Variants in PRRT4 observed in about 807,000 individuals in gnomAD.
The protein encoded by PRRT4 is proline-rich transmembrane protein 4.
In PRRT4, 59 loss-of-function variants were observed where a neutral mutation model predicts 55.6. That is an observed-to-expected ratio of 1.06 (90% CI 0.86 to 1.32). PRRT4 has a LOEUF of 1.32. PRRT4 is among the 40% of genes most tolerant of loss of function. PRRT4 has a pLI of 0.00. For synonymous variants in PRRT4, 606 were observed against 601.8 expected, an observed-to-expected ratio of 1.01 and a Z score of -0.10; for missense variants, 1,217 against 1,222.0, an observed-to-expected ratio of 1.00 and a Z score of 0.06.
chr7:128,350,689 G>C, downstream of PRRT4: 1 of 1,086,062 alleles, frequency 9.2e-7, no homozygotes, highest in South Asian at 1.7e-5. Context: ...ATTCCCAATC[G>C]ATAGAGCCTG....
At position 128,351,753 on chromosome 7, in the gene PRRT4, CT is replaced by C. The variant is rs1055791942; in HGVS notation, c.1802del (p.Gln601ArgfsTer2). On this transcript the variant is annotated frameshift_variant, in exon 5 of 5. Transcript: ENST00000535159. LOFTEE classifies it high-confidence loss of function. ...CCACCTCGCCCAGGCGCAGGCCTAG[CT>C]GGAAGGCCCACCAGGGCCAGGGCCC... 1 of 1,450,792 alleles carries C rather than the reference CT, an allele frequency of 6.9e-7. No individual in the cohort carries two copies. Among genetic ancestry groups the C allele is most frequent in the African/African-American group, 1.5e-5 (1 of 66,990 alleles). 89.9% of individuals were successfully genotyped at this position (1,450,792 alleles called of 1,614,324 possible). A position where few individuals can be genotyped will look rare whatever the true frequency, so the allele number is the denominator to read the frequency against.
Position 128,358,072 on chromosome 7 carries a change from A to G in PRRT4, c.877+609T>C, listed in dbSNP as rs550408926. Among the ~76,000 whole-genome samples the G allele has an allele frequency of 5.9e-5, 9 of 152,230 alleles. No homozygotes were observed. The highest frequency in any genetic ancestry group is 8.8e-5 in the Non-Finnish European group (6 of 68,050). ...AGAAAATTTAGGTTCAGAGAGGTTA[A>G]ATAACGTGCCTAAAGTCACTAGCTA... On this transcript the variant is annotated intron_variant, in intron 4 of 4. Transcript: ENST00000535159. The surrounding 1 kb of genome is among the most constrained non-coding windows in gnomAD (Gnocchi z 4.4).
Position 128,357,236 on chromosome 7 carries a change from A to T in PRRT4, c.877+1445T>A, listed in dbSNP as rs865930977. Among the ~76,000 whole-genome samples, 405 of 140,876 alleles carry T rather than the reference A, an allele frequency of 2.9e-3. 1 individual carries two copies. Among genetic ancestry groups the T allele is most frequent in the African/African-American group, 0.01 (385 of 37,244 alleles). 92.4% of individuals were successfully genotyped at this position (140,876 alleles called of 152,430 possible). A position where few individuals can be genotyped will look rare whatever the true frequency, so the allele number is the denominator to read the frequency against. ...CACACACACACACACACACACACAC[A>T]CTCTCTCTCTCTCTCTCTCTCTCTC... On this transcript the variant is annotated intron_variant, in intron 4 of 4. Coordinates refer to ENST00000535159, the Ensembl canonical transcript of PRRT4.
chr7:128,361,322 C>G (rs1273902281), intron 1 of PRRT4: 1 of 152,076 alleles, frequency 6.6e-6, no homozygotes, highest in Non-Finnish European at 1.5e-5. Flanking sequence ...CCCGGGGTCT[C>G]TCCCGCAGGC....
exon 5 of PRRT4, chr7:128,351,219 C>A (rs1351438470): frequency 2.6e-6 from 4 of 1,539,922 alleles, no homozygotes; most frequent in Non-Finnish European, 3.5e-6. Context: ...GGCCAGAGGC[C>A]TCCCCTGATC....
exon 5 of PRRT4, chr7:128,351,615 C>T: frequency 6.6e-7 from 1 of 1,509,082 alleles, no homozygotes. Flanking sequence ...CCGGCAGCAG[C>T]GGAGCCGCGT....
At position 128,358,046 on chromosome 7, in the gene PRRT4, G is replaced by A. The variant is rs147756967; in HGVS notation, c.877+635C>T. On this transcript the variant is annotated intron_variant, in intron 4 of 4. Coordinates refer to ENST00000535159, the Ensembl canonical transcript of PRRT4. The surrounding 1 kb of genome is among the most constrained non-coding windows in gnomAD (Gnocchi z 4.4). ...TACTATTATTAAACCCTGGGTCTAT[G>A]AGAAAATTTAGGTTCAGAGAGGTTA... is the stretch of plus-strand genomic sequence containing the variant. 3.1e-4 allele frequency among the ~76,000 whole-genome samples: 47 copies of A among 152,338 alleles called. 1 individual carries two copies. In the East Asian group the frequency reaches 8.7e-3, roughly 28 times the overall value.
chr7:128,355,397 C>T (rs1257333628), intron 4 of PRRT4, among the ~76,000 whole-genome samples: 1 of 152,162 alleles, frequency 6.6e-6, no homozygotes. Context: ...GGAATTTCAC[C>T]ATATTGGCCA....
chr7:128,360,240 C>T (rs533606181), intron 1 of PRRT4, among the ~76,000 whole-genome samples, 177 bp from the exon 3 acceptor site: 1 of 152,286 alleles, frequency 6.6e-6, no homozygotes, highest in East Asian at 1.9e-4. Context: ...TACCTTCAGG[C>T]CCCAGCACAA....
intron 4 of PRRT4, among the ~76,000 whole-genome samples, chr7:128,355,942 T>C (rs1797102714): frequency 1.3e-5 from 2 of 152,302 alleles, no homozygotes; most frequent in African/African-American, 2.4e-5. Flanking sequence ...CTAAGCTCCA[T>C]GGCAACTACA....
exon 5 of PRRT4, chr7:128,351,245 C>A: frequency 6.5e-7 from 1 of 1,539,666 alleles, no homozygotes; most frequent in Non-Finnish European, 8.7e-7. Context: ...CTGGCCCTGC[C>A]CCCGGTCCCC....
intron 4 of PRRT4, among the ~76,000 whole-genome samples, chr7:128,357,931 G>A (rs903135235): frequency 6.6e-6 from 1 of 152,146 alleles, no homozygotes; most frequent in Admixed American, 6.5e-5. Context: ...GGGATGCAGT[G>A]GGGGACAGAA....
At chr7:128,361,032 T>A (rs1395073317) in intron 1 of PRRT4, among the ~76,000 whole-genome samples, 3 of 128,576 alleles carry the variant, frequency 2.3e-5, no homozygotes, top group African/African-American at 6.1e-5. Context: ...CTCTCCTCCC[T>A]GCATGGGTTC....
At chr7:128,351,392 G>C in exon 5 of PRRT4, 1 of 1,543,112 alleles carries the variant, frequency 6.5e-7, no homozygotes, top group East Asian at 2.5e-5. Context: ...GGGGAGGGCG[G>C]GCGGAAGTCC....
Position 128,358,875 on chromosome 7 carries a change from T to C in PRRT4, c.758-75A>G. ...GCCTCTGGGAGTTTGGAGAAAATTA[T>C]GTCCTTCCCCAGAGTTTGTCCTAAG... is the stretch of plus-strand genomic sequence containing the variant. On this transcript the variant is annotated intron_variant, in intron 3 of 4. Transcript: ENST00000535159. The surrounding 1 kb of genome is among the most constrained non-coding windows in gnomAD (Gnocchi z 4.4). The C allele has an allele frequency of 6.8e-7, 1 of 1,470,940 alleles. No individual in the cohort carries two copies. The highest frequency in any genetic ancestry group is 1.4e-5 in the South Asian group (1 of 69,420). 91.1% of individuals were successfully genotyped at this position (1,470,940 alleles called of 1,614,324 possible).
chr7:128,352,531 G>T (rs553243997), exon 5 of PRRT4: 2 of 1,543,854 alleles, frequency 1.3e-6, no homozygotes, highest in Admixed American at 2.0e-5. Flanking sequence ...GAAAAAGAGG[G>T]GCCTCGGCGC....
chr7:128,351,179 C>A (rs990694236), exon 5 of PRRT4: 1 of 1,544,092 alleles, frequency 6.5e-7, no homozygotes, highest in African/African-American at 1.4e-5. Flanking sequence ...GGCCAAGCCC[C>A]AGGGGAGGGG....
At chr7:128,356,765 C>G (rs1797119799) in intron 4 of PRRT4, among the ~76,000 whole-genome samples, 1 of 152,230 alleles carries the variant, frequency 6.6e-6, no homozygotes, top group African/African-American at 2.4e-5. Context: ...CTGCCCAGAT[C>G]AAAGGGCTAG....
intron 4 of PRRT4, 43 bp from the exon 6 acceptor site, chr7:128,352,721 T>TC: frequency 6.8e-7 from 1 of 1,466,240 alleles, no homozygotes; most frequent in Non-Finnish European, 9.0e-7. Context: ...GATGCAGCCC[T>TC]CCCCTTACCC....
Sources: allele counts gnomAD v4.1 joint callset (sites outside exome capture counted in the v4.1 genomes callset), GRCh38; gene constraint gnomAD v4.1.1; non-coding constraint Gnocchi (gnomAD v3.1); transcripts MANE v1.5; gene names NCBI Gene and HGNC (gene_info 2026-07-23, HGNC 2026-07-21).